Variants in PLA2R1 observed in about 807,000 individuals in gnomAD.
PLA2R1 encodes secretory phospholipase A2 receptor.
PLA2R1 carries 158 observed loss-of-function variants against 195.9 expected under a neutral mutation model. That is an observed-to-expected ratio of 0.81 (90% CI 0.71 to 0.92). The LOEUF (loss-of-function observed/expected upper bound fraction) is 0.92, where lower values mean the gene tolerates loss of function less well. Ranked by LOEUF, PLA2R1 falls within the 40% of genes least tolerant of loss-of-function variation. PLA2R1 has a pLI of 0.00. For synonymous variants in PLA2R1, 586 were observed against 598.2 expected (o/e 0.98, Z 0.30); for missense variants, 1,626 against 1,764.6 (o/e 0.92, Z 1.41).
chr2:159,948,609 A>G (rs1687535287), intron 25 of PLA2R1, among the ~76,000 whole-genome samples: 1 of 150,942 alleles, frequency 6.6e-6, no homozygotes, highest in African/African-American at 2.4e-5. Flanking sequence ...TTGTTATTGA[A>G]AGGACAAGAT....
chr2:159,943,836 G>C (rs1379658262), intron 28 of PLA2R1, among the ~76,000 whole-genome samples: 1 of 149,742 alleles, frequency 6.7e-6, no homozygotes, highest in Non-Finnish European at 1.5e-5. Context: ...ACAGAGTTGA[G>C]ACTCACACTG....
intron 27 of PLA2R1, chr2:159,945,888 A>C (rs944321649): frequency 1.1e-6 from 1 of 893,924 alleles, no homozygotes; most frequent in Non-Finnish European, 1.3e-6. Context: ...TTAATGTGAC[A>C]GTTTGAATTT....
intron 11 of PLA2R1, among the ~76,000 whole-genome samples, chr2:159,994,694 G>T (rs1691084220): frequency 6.6e-6 from 1 of 152,004 alleles, no homozygotes; most frequent in Non-Finnish European, 1.5e-5. Flanking sequence ...GTCATGAAAT[G>T]ATAATTGCTG....
chr2:159,969,554 T>C (rs1689008496), intron 18 of PLA2R1, among the ~76,000 whole-genome samples, 195 bp from the exon 19 acceptor site: 2 of 152,154 alleles, frequency 1.3e-5, no homozygotes, highest in African/African-American at 4.8e-5. Context: ...GGTGGTAGAT[T>C]TTTTTTGAGA....
intron 11 of PLA2R1, among the ~76,000 whole-genome samples, chr2:160,004,557 T>C (rs968841788): frequency 1.3e-5 from 2 of 152,174 alleles, no homozygotes; most frequent in African/African-American, 4.8e-5. Context: ...AATAGACCAA[T>C]TTGTATAAAG....
At chr2:159,993,085 T>C (rs951417537) in intron 11 of PLA2R1, among the ~76,000 whole-genome samples, 1 of 152,162 alleles carries the variant, frequency 6.6e-6, no homozygotes, top group African/African-American at 2.4e-5. Flanking sequence ...TCTTTCACCA[T>C]AGAGCAACCT....
Position 159,941,876 on chromosome 2 carries a change from C to A in PLA2R1, c.4294G>T (p.Ala1432Ser). The A allele has an allele frequency of 6.2e-7, 1 of 1,613,388 alleles. No individual in the cohort carries two copies. Among genetic ancestry groups the A allele is most frequent in the South Asian group, 1.1e-5 (1 of 91,062 alleles). The change falls in exon 30 of 30, where the codon GCA becomes TCA. Residue 1432 changes from alanine to serine, a missense_variant. Physicochemically the swap from Ala to Ser is moderately conservative, Grantham distance 99. Transcript: ENST00000283243. ...KHNGGFFRRL[A>S]GFRNPYYPAT... ...GGATAGTAAGGATTCCGAAACCCTG[C>A]AAGTCTCCTGAAGAAGCCACCGTTA... is the stretch of plus-strand genomic sequence containing the variant.
chr2:159,929,725 G>A (rs975519297), downstream of PLA2R1, among the ~76,000 whole-genome samples: 7 of 152,170 alleles, frequency 4.6e-5, no homozygotes, highest in Middle Eastern at 3.4e-3. Flanking sequence ...AGCACAATTC[G>A]CAATTGCAAA....
intron 1 of PLA2R1, among the ~76,000 whole-genome samples, chr2:160,053,347 G>A (rs1455808972): frequency 1.7e-5 from 1 of 60,052 alleles, no homozygotes; most frequent in East Asian, 4.5e-4. Context: ...TACGAATTTG[G>A]TGGGGGGGGG....
chr2:159,984,910 T>G (rs1360228901), intron 12 of PLA2R1, among the ~76,000 whole-genome samples: 2 of 152,176 alleles, frequency 1.3e-5, no homozygotes, highest in Non-Finnish European at 2.9e-5. Flanking sequence ...CCAGAATGAA[T>G]AGCTTTCCAA....
chr2:160,061,676 G>A (rs954992134), intron 1 of PLA2R1, among the ~76,000 whole-genome samples: 1 of 152,190 alleles, frequency 6.6e-6, no homozygotes, highest in Non-Finnish European at 1.5e-5. Flanking sequence ...TCGGGAGGCT[G>A]AGGTGGGAGG....
chr2:159,972,773 G>GT (rs1168429235), intron 17 of PLA2R1, among the ~76,000 whole-genome samples: 1 of 152,052 alleles, frequency 6.6e-6, no homozygotes, highest in Non-Finnish European at 1.5e-5. Flanking sequence ...TGCTTGCAGC[G>GT]TTTTTTCAGC....
In PLA2R1 at chr2:159,940,725, G is replaced by A. The variant is rs1275995892; in HGVS notation, c.*1053C>T. 2.0e-5 allele frequency: 3 copies of A among 152,036 alleles called. No individual in the cohort carries two copies. Among genetic ancestry groups the A allele is most frequent in the African/African-American group, 7.3e-5 (3 of 41,374 alleles). 9.4% of individuals were successfully genotyped at this position (152,036 alleles called of 1,614,324 possible). On this transcript the variant is annotated 3_prime_UTR_variant, in exon 30 of 30. Coordinates refer to ENST00000283243, the MANE Select transcript of PLA2R1 (RefSeq NM_007366.5). ...CATTATTTACCATCTACACTAACTA[G>A]ACTAATATAAAAGGAGATCGTTCCC...
At chr2:160,025,565 T>C (rs1328167414) in intron 6 of PLA2R1, among the ~76,000 whole-genome samples, 1 of 114,714 alleles carries the variant, frequency 8.7e-6, no homozygotes, top group East Asian at 2.5e-4. Context: ...ATGTTTTATG[T>C]AAGCCACATG....
At chr2:160,030,450 C>A (rs888471065) in intron 4 of PLA2R1, among the ~76,000 whole-genome samples, 6 of 152,162 alleles carry the variant, frequency 3.9e-5, no homozygotes, top group Admixed American at 3.3e-4. Context: ...CACATCCAGG[C>A]AAGTGCCAAG....
chr2:159,971,037 C>T (rs2105245284), intron 17 of PLA2R1, among the ~76,000 whole-genome samples: 1 of 152,054 alleles, frequency 6.6e-6, no homozygotes, highest in East Asian at 1.9e-4. Context: ...ACTACCATGG[C>T]ATATGTATAC....
intron 1 of PLA2R1, among the ~76,000 whole-genome samples, chr2:160,058,752 T>C (rs951304894): frequency 3.3e-5 from 5 of 151,824 alleles, no homozygotes; most frequent in African/African-American, 9.7e-5. Context: ...TCAGGCTCCT[T>C]GGAATAACCA....
At position 159,965,449 on chromosome 2, in the gene PLA2R1, T is replaced by C. The variant is rs186969987; in HGVS notation, c.2904+2090A>G. On this transcript the variant is annotated intron_variant, in intron 20 of 29. Transcript: ENST00000283243. ...TTTCACTTAGTAATATGAATTTAAG[T>C]TTCCTCCATGTGTTTTAAAGGCTTG... Among the ~76,000 whole-genome samples the C allele has an allele frequency of 3.3e-3, 506 of 152,314 alleles. 2 individuals are homozygous for C. Among genetic ancestry groups the C allele is most frequent in the Admixed American group, 5.5e-3 (84 of 15,286 alleles).
At chr2:159,972,496 C>G (rs1237419036) in intron 17 of PLA2R1, among the ~76,000 whole-genome samples, 1 of 152,128 alleles carries the variant, frequency 6.6e-6, no homozygotes, top group Non-Finnish European at 1.5e-5. Flanking sequence ...ACAAACAAAA[C>G]CCCACAGTGA....
Sources: gnomAD v4.1 joint callset for allele counts (sites outside exome capture counted in the v4.1 genomes callset) on GRCh38, gnomAD v4.1.1 for gene constraint, MANE v1.5 for transcripts, NCBI Gene and HGNC (gene_info 2026-07-23, HGNC 2026-07-21) for gene names.